Variants in JMJD1C observed in about 807,000 individuals in gnomAD.
The protein encoded by JMJD1C is jumonji domain-containing protein 1C.
In JMJD1C, 31 loss-of-function variants were observed where a neutral mutation model predicts 245.3. That is an observed-to-expected ratio of 0.13 (90% CI 0.09 to 0.17). JMJD1C has a LOEUF of 0.17. Among genes scored for constraint, JMJD1C ranks in the 10% least tolerant of loss-of-function variants. JMJD1C has a pLI of 1.00. For synonymous variants in JMJD1C, 1,057 were observed against 1,017.4 expected, an observed-to-expected ratio of 1.04 and a Z score of -0.74; for missense variants, 2,691 against 3,000.2, an observed-to-expected ratio of 0.90 and a Z score of 2.41.
intron 1 of JMJD1C, among the ~76,000 whole-genome samples, chr10:63,387,628 A>ATTTT (rs1564863555): frequency 0.023 from 417 of 18,512 alleles, 9 homozygotes; most frequent in African/African-American, 0.04. Context: ...AGAAAAAAAA[A>ATTTT]ATTTTTTTTT....
intron 2 of JMJD1C, among the ~76,000 whole-genome samples, chr10:63,282,770 G>A (rs1418928939): frequency 6.6e-6 from 1 of 152,196 alleles, no homozygotes; most frequent in Non-Finnish European, 1.5e-5. Context: ...AGGCTGGAGT[G>A]CAGTGGCGCG....
intron 2 of JMJD1C, among the ~76,000 whole-genome samples, chr10:63,299,710 G>T (rs114695703): frequency 3.2e-4 from 49 of 152,028 alleles, no homozygotes; most frequent in African/African-American, 1.2e-3. Flanking sequence ...ACATAAAAAC[G>T]ATTTGAAGAT....
At position 63,217,251 on chromosome 10, in the gene JMJD1C, G is replaced by A; in HGVS notation, c.634C>T (p.His212Tyr). 1.2e-6 allele frequency: 2 copies of A among 1,611,672 alleles called. No individual in the cohort carries two copies. The highest frequency in any genetic ancestry group is 1.7e-6 in the Non-Finnish European group (2 of 1,178,310). Residue 212 changes from histidine to tyrosine, a missense_variant, in exon 5 of 26, where the codon CAT becomes TAT. This residue lies in a region of JMJD1C where 172 missense variants were observed against 240.8 expected (regional missense o/e 0.71). Coordinates refer to ENST00000399262, the MANE Select transcript of JMJD1C (RefSeq NM_032776.3). ...ATGGTGCGGGTGAAGAGATCATGAT[G>A]AGTAATTATGCCAGTAAACCACTGG... ...ATQWFTGIIT[H>Y]HDLFTRTMIV...
intron 2 of JMJD1C, among the ~76,000 whole-genome samples, chr10:63,307,097 T>C (rs1369308844): frequency 6.6e-6 from 1 of 152,208 alleles, no homozygotes. Flanking sequence ...GCAAAATTTT[T>C]TCATTTAGGT....
At chr10:63,503,326 C>G (rs1261128197) in intron 1 of JMJD1C, among the ~76,000 whole-genome samples, 2 of 151,984 alleles carry the variant, frequency 1.3e-5, no homozygotes, top group African/African-American at 4.8e-5. Flanking sequence ...TAATATGTTG[C>G]CCTAATTAGA....
At chr10:63,514,499 T>C (rs1589844419) in intron 1 of JMJD1C, among the ~76,000 whole-genome samples, 1 of 151,972 alleles carries the variant, frequency 6.6e-6, no homozygotes, top group Non-Finnish European at 1.5e-5. Context: ...GAGTTGGAGG[T>C]CATTATCCTA....
intron 1 of JMJD1C, among the ~76,000 whole-genome samples, chr10:63,397,129 A>T (rs943612500): frequency 6.6e-6 from 1 of 152,166 alleles, no homozygotes; most frequent in African/African-American, 2.4e-5. Context: ...CTTCATTCTT[A>T]CTGGATCCAC....
intron 2 of JMJD1C, among the ~76,000 whole-genome samples, chr10:63,296,059 TGGAGTG>T (rs1351108423): frequency 1.3e-5 from 2 of 148,574 alleles, no homozygotes; most frequent in African/African-American, 2.5e-5. Context: ...TTGCCCAGGC[TGGAGTG>T]CAATGGCACA....
intron 2 of JMJD1C, among the ~76,000 whole-genome samples, chr10:63,298,796 A>T (rs1335371850): frequency 1.3e-5 from 2 of 152,128 alleles, no homozygotes; most frequent in Admixed American, 1.3e-4. Flanking sequence ...GCAATGGTAC[A>T]ACCTCGGCTC....
chr10:63,463,791 T>C (rs959991771), intron 1 of JMJD1C, among the ~76,000 whole-genome samples: 6 of 152,134 alleles, frequency 3.9e-5, no homozygotes, highest in African/African-American at 1.4e-4. Context: ...TATATCTGTG[T>C]AACCAACAAT....
intron 8 of JMJD1C, among the ~76,000 whole-genome samples, chr10:63,211,823 CAAAAAAAAAAAA>C (rs59121081): frequency 9.0e-5 from 7 of 77,682 alleles, no homozygotes; most frequent in Admixed American, 1.5e-4. Flanking sequence ...GACTCTGTCT[CAAAAAAAAAAAA>C]AAAAAAAAAA....
At chr10:63,205,914 C>T (rs1194067449) in intron 10 of JMJD1C, among the ~76,000 whole-genome samples, 2 of 152,144 alleles carry the variant, frequency 1.3e-5, no homozygotes, top group East Asian at 1.9e-4. Context: ...GCTTCAACCA[C>T]GCCAGCTCAA....
intron 3 of JMJD1C, among the ~76,000 whole-genome samples, chr10:63,229,039 G>A (rs1379233858): frequency 6.6e-6 from 1 of 151,936 alleles, no homozygotes; most frequent in South Asian, 2.1e-4. Flanking sequence ...ATGAGAATAT[G>A]CATTAAAAAG....
intron 3 of JMJD1C, among the ~76,000 whole-genome samples, chr10:63,243,974 A>T (rs768674948): frequency 6.6e-6 from 1 of 152,202 alleles, no homozygotes; most frequent in Non-Finnish European, 1.5e-5. Context: ...AAAAAGTAAG[A>T]TCAAGGTGGA....
At chr10:63,259,136 CTTCT>C (rs1854362389) in intron 3 of JMJD1C, among the ~76,000 whole-genome samples, 1 of 152,314 alleles carries the variant, frequency 6.6e-6, no homozygotes, top group Non-Finnish European at 1.5e-5. Flanking sequence ...GTTCTGTTTA[CTTCT>C]TTCTGTAAAC....
At chr10:63,425,318 A>G (rs1950375783) in intron 1 of JMJD1C, among the ~76,000 whole-genome samples, 1 of 152,148 alleles carries the variant, frequency 6.6e-6, no homozygotes. Context: ...AGAAAGCCAA[A>G]ATTTTTAGGT....
Position 63,213,711 on chromosome 10 carries a change from T to C in JMJD1C, c.2456A>G (p.His819Arg). Residue 819 changes from histidine (H) to arginine (R), a missense_variant, in exon 8 of 26, where the codon CAT becomes CGT. Coordinates refer to ENST00000399262, the MANE Select transcript of JMJD1C (RefSeq NM_032776.3). The stretch of plus-strand genomic sequence containing the variant: ...CGCTAAGTGGCTCAAGCTGCTGGCA[T>C]GAGCACTCTCTAGTCGTGGGTGGCC... ...LGGHPRLESA[H>R]ASSLSHLALA... 2 of 1,614,216 alleles carry C rather than the reference T, an allele frequency of 1.2e-6. No homozygotes were observed. The highest frequency in any genetic ancestry group is 1.7e-6 in the Non-Finnish European group (2 of 1,180,018).
chr10:63,365,078 T>TG (rs1554904130), intron 2 of JMJD1C, among the ~76,000 whole-genome samples: 2 of 152,200 alleles, frequency 1.3e-5, no homozygotes, highest in Non-Finnish European at 2.9e-5. Context: ...CACAAGACCT[T>TG]GGGATTTCCC....
chr10:63,397,984 T>G (rs1948610442), intron 1 of JMJD1C, among the ~76,000 whole-genome samples: 1 of 152,258 alleles, frequency 6.6e-6, no homozygotes, highest in Non-Finnish European at 1.5e-5. Context: ...TTGTTCTTTT[T>G]AAAATTTTTA....
Sources: allele counts gnomAD v4.1 joint callset (sites outside exome capture counted in the v4.1 genomes callset), GRCh38; gene constraint gnomAD v4.1.1; regional missense constraint gnomAD v4.1.1; transcripts MANE v1.5; gene names NCBI Gene and HGNC (gene_info 2026-07-23, HGNC 2026-07-21).